CACNA1C: variants seen among roughly 807,000 people sequenced by gnomAD.
CACNA1C encodes the protein voltage-dependent L-type calcium channel subunit alpha-1C.
Under a neutral mutation model 229.0 loss-of-function variants are expected in CACNA1C, and 30 were observed. That is an observed-to-expected ratio of 0.13 (90% CI 0.10 to 0.18). The LOEUF (loss-of-function observed/expected upper bound fraction) is 0.18. CACNA1C is among the 10% of genes least tolerant of loss of function. The probability of loss-of-function intolerance (pLI) is 1.00; values close to 1 mark genes in which losing one functional copy is unlikely to be tolerated. For missense variants in CACNA1C, 1,658 were observed against 2,845.0 expected, an observed-to-expected ratio of 0.58 and a Z score of 9.49; for synonymous variants, 1,114 against 1,132.5, an observed-to-expected ratio of 0.98 and a Z score of 0.33.
intron 3 of CACNA1C, among the ~76,000 whole-genome samples, chr12:2,371,111 A>G (rs2097854115): frequency 6.6e-6 from 1 of 152,238 alleles, no homozygotes; most frequent in Admixed American, 6.5e-5. Context: ...AAAGGGCTAC[A>G]TGAGGCTGAA....
chr12:2,021,598 T>A (rs2046455549), intron 1 of CACNA1C, among the ~76,000 whole-genome samples: 1 of 151,934 alleles, frequency 6.6e-6, no homozygotes, highest in African/African-American at 2.4e-5. Flanking sequence ...GAGAATCGCT[T>A]GAACCCGGGA....
intron 3 of CACNA1C, among the ~76,000 whole-genome samples, chr12:2,427,467 G>A (rs2099043254): frequency 6.6e-6 from 1 of 152,076 alleles, no homozygotes; most frequent in African/African-American, 2.4e-5. Context: ...GAGCCTGGGT[G>A]TCACTGGATA....
chr12:2,581,829 C>T (rs775786436), intron 14 of CACNA1C, 32 bp downstream of exon 14: 102 of 1,422,984 alleles, frequency 7.2e-5, no homozygotes, highest in Middle Eastern at 2.1e-4. Flanking sequence ...GATTCGGACT[C>T]GGGGTGGTTG....
At chr12:2,613,279 G>A (rs2078777037) in intron 29 of CACNA1C, 1 of 152,208 alleles carries the variant, frequency 6.6e-6, no homozygotes. Flanking sequence ...CTGTGGAGAA[G>A]GGGGAAGGGA....
Position 2,457,600 on chromosome 12 carries a change from A to G in CACNA1C, c.651A>G (p.Lys217=). Reference sequence around the variant, plus strand: ...GTGCAATTTTAGAACAAGCAACCAAAGCAGATGGGGCAAACGCTCTCGGAG... The same window carrying G: ...GTGCAATTTTAGAACAAGCAACCAAGGCAGATGGGGCAAACGCTCTCGGAG... ...LFSAILEQAT[K]ADGANALGGK... The change falls in exon 5 of 47, where the codon AAA becomes AAG. Residue 217 remains lysine, a synonymous_variant. Coordinates refer to ENST00000399655, the MANE Select transcript of CACNA1C (RefSeq NM_000719.7). The G allele has an allele frequency of 6.2e-7, 1 of 1,613,100 alleles. No individual in the cohort carries two copies. The highest frequency in any genetic ancestry group is 8.5e-7 in the Non-Finnish European group (1 of 1,179,480).
intron 1 of CACNA1C, among the ~76,000 whole-genome samples, chr12:2,089,642 C>T (rs187277954): frequency 7.2e-5 from 11 of 152,274 alleles, no homozygotes; most frequent in East Asian, 1.9e-4. Flanking sequence ...GTAAAAAGTA[C>T]GTAACACAGT....
intron 30 of CACNA1C, among the ~76,000 whole-genome samples, chr12:2,645,117 C>G (rs1012494701): frequency 1.1e-4 from 16 of 152,192 alleles, no homozygotes; most frequent in Admixed American, 7.9e-4. Context: ...AAAGAATTGG[C>G]TGCTCAGAAA....
At chr12:2,444,474 C>T (rs373143229) in intron 3 of CACNA1C, among the ~76,000 whole-genome samples, 7 of 152,054 alleles carry the variant, frequency 4.6e-5, no homozygotes, top group Admixed American at 2.0e-4. Flanking sequence ...GTGGCTGTTC[C>T]GTACTGATTT....
intron 3 of CACNA1C, among the ~76,000 whole-genome samples, chr12:2,316,644 G>A (rs2095706295): frequency 6.6e-6 from 1 of 152,178 alleles, no homozygotes. Context: ...TTTCAGTGGA[G>A]ACCCCAATGG....
intron 3 of CACNA1C, among the ~76,000 whole-genome samples, chr12:2,175,871 G>A (rs1012184173): frequency 6.6e-6 from 1 of 152,138 alleles, no homozygotes; most frequent in Non-Finnish European, 1.5e-5. Flanking sequence ...AGGAGGATAG[G>A]TCTTTAATTA....
intron 3 of CACNA1C, among the ~76,000 whole-genome samples, chr12:2,330,849 G>T (rs1030219194): frequency 6.6e-5 from 10 of 152,174 alleles, no homozygotes; most frequent in African/African-American, 9.7e-5. Context: ...ATTCCAAGTT[G>T]ATTAAATAGA....
At chr12:2,555,887 G>A (rs564797768) in intron 10 of CACNA1C, among the ~76,000 whole-genome samples, 2 of 152,024 alleles carry the variant, frequency 1.3e-5, no homozygotes, top group African/African-American at 2.4e-5. Context: ...CTGGGACGTC[G>A]CAGGCCTGCG....
At chr12:2,261,809 G>A (rs1285829386) in intron 3 of CACNA1C, among the ~76,000 whole-genome samples, 1 of 152,230 alleles carries the variant, frequency 6.6e-6, no homozygotes, top group East Asian at 1.9e-4. Flanking sequence ...CATCCCATCT[G>A]GCTGGGGGGA....
At chr12:2,412,839 T>C (rs1335020012) in intron 3 of CACNA1C, among the ~76,000 whole-genome samples, 1 of 152,218 alleles carries the variant, frequency 6.6e-6, no homozygotes, top group Admixed American at 6.5e-5. Flanking sequence ...GCAGAGAACC[T>C]ATTCTACGGG....
At chr12:2,006,265 A>C (rs993356017) in intron 1 of CACNA1C, among the ~76,000 whole-genome samples, 1 of 152,070 alleles carries the variant, frequency 6.6e-6, no homozygotes, top group African/African-American at 2.4e-5. Flanking sequence ...AAAATTAGCC[A>C]GGAGTGGTGG....
rs1481254392 is a variant in CACNA1C, at chr12:2,354,802, G to T, written c.478-94174G>T. Among the ~76,000 whole-genome samples the T allele has an allele frequency of 1.3e-5, 2 of 152,122 alleles. No individual in the cohort carries two copies. The highest frequency in any genetic ancestry group is 4.8e-5 in the African/African-American group (2 of 41,432). On this transcript the variant is annotated intron_variant, in intron 3 of 46. Transcript: ENST00000399655. The surrounding 1 kb of genome is among the most constrained non-coding windows in gnomAD (Gnocchi z 4.6). ...GGCCTTGACTTCTGGTTCCATTCTC[G>T]TTTCCCTGGGCTGCTCTCCACCTTC...
chr12:2,498,800 G>C (rs1285321438), intron 7 of CACNA1C, among the ~76,000 whole-genome samples: 4 of 152,206 alleles, frequency 2.6e-5, no homozygotes, highest in African/African-American at 9.6e-5. Context: ...AGGCCGCAGA[G>C]ACCTGGGTTT....
intron 1 of CACNA1C, among the ~76,000 whole-genome samples, chr12:2,001,202 T>C (rs2042127877): frequency 6.6e-6 from 1 of 152,182 alleles, no homozygotes; most frequent in Non-Finnish European, 1.5e-5. Context: ...CCTCCATAGT[T>C]ATCCAAGGGC....
At chr12:2,251,020 G>A (rs950099968) in intron 3 of CACNA1C, among the ~76,000 whole-genome samples, 1 of 152,202 alleles carries the variant, frequency 6.6e-6, no homozygotes, top group African/African-American at 2.4e-5. Flanking sequence ...GGGACAGTGT[G>A]TTCTGCGTTG....
Sources: gnomAD v4.1 joint callset for allele counts (sites outside exome capture counted in the v4.1 genomes callset) on GRCh38, gnomAD v4.1.1 for gene constraint, Gnocchi (gnomAD v3.1) non-coding constraint, MANE v1.5 for transcripts, NCBI Gene and HGNC (gene_info 2026-07-23, HGNC 2026-07-21) for gene names.